MIDEAS: variants seen among roughly 807,000 people sequenced by gnomAD.
MIDEAS encodes mitotic deacetylase-associated SANT domain protein.
A neutral mutation model predicts 102.7 loss-of-function variants in MIDEAS; 26 were observed. That is an observed-to-expected ratio of 0.25 (90% CI 0.19 to 0.35). The LOEUF (loss-of-function observed/expected upper bound fraction) is 0.35, where lower values mean the gene tolerates loss of function less well. Ranked by LOEUF, MIDEAS falls within the 10% of genes least tolerant of loss-of-function variation. The pLI is 1.00. For missense variants in MIDEAS, 1,231 were observed against 1,435.6 expected (o/e 0.86, Z 2.30); for synonymous variants, 585 against 591.0 (o/e 0.99, Z 0.15).
At chr14:73,720,588 C>G (rs1303090511) in intron 11 of MIDEAS, among the ~76,000 whole-genome samples, 1 of 152,124 alleles carries the variant, frequency 6.6e-6, no homozygotes, top group Non-Finnish European at 1.5e-5. Context: ...AAAAAAGCAG[C>G]AGCTCCCCAA....
At chr14:73,777,937 G>A (rs1417975806) in intron 1 of MIDEAS, among the ~76,000 whole-genome samples, 3 of 151,950 alleles carry the variant, frequency 2.0e-5, no homozygotes, top group Non-Finnish European at 4.4e-5. Context: ...ACCTTAAAGT[G>A]GGGACCTGAA....
intron 1 of MIDEAS, among the ~76,000 whole-genome samples, chr14:73,781,960 G>A (rs961365460): frequency 2.0e-5 from 3 of 152,060 alleles, no homozygotes; most frequent in African/African-American, 7.2e-5. Context: ...AGGAAGCTGA[G>A]GCAGGAGAAT....
At chr14:73,738,459 C>G (rs1013145080) in intron 2 of MIDEAS, 101 bp downstream of exon 2, 15 of 1,396,650 alleles carry the variant, frequency 1.1e-5, no homozygotes, top group Non-Finnish European at 1.3e-5. Flanking sequence ...CTGGCTAGGG[C>G]AAAGTCTGGC....
intron 1 of MIDEAS, among the ~76,000 whole-genome samples, chr14:73,743,749 C>A (rs1350520055): frequency 6.6e-6 from 1 of 152,140 alleles, no homozygotes; most frequent in Non-Finnish European, 1.5e-5. Context: ...GCAGCTCAGC[C>A]CTGGGACCAG....
chr14:73,779,263 C>T (rs1474149261), intron 1 of MIDEAS, among the ~76,000 whole-genome samples: 3 of 150,990 alleles, frequency 2.0e-5, no homozygotes, highest in African/African-American at 4.9e-5. Flanking sequence ...GGTGTGGTGG[C>T]GGGTGCCTGT....
chr14:73,762,253 A>G (rs1427956407), upstream of MIDEAS, among the ~76,000 whole-genome samples: 1 of 152,224 alleles, frequency 6.6e-6, no homozygotes, highest in Non-Finnish European at 1.5e-5. Flanking sequence ...TGGGAAGCAC[A>G]TTGCTAGAAG....
chr14:73,726,530 G>C, intron 7 of MIDEAS, 74 bp downstream of exon 7: 2 of 1,410,650 alleles, frequency 1.4e-6, no homozygotes, highest in South Asian at 2.4e-5. Context: ...GCAGCCATAG[G>C]TCCTGAGCAG....
intron 1 of MIDEAS, among the ~76,000 whole-genome samples, chr14:73,778,803 A>G (rs967985819): frequency 3.9e-5 from 6 of 152,050 alleles, no homozygotes; most frequent in Non-Finnish European, 7.4e-5. Context: ...CCTGGATGAT[A>G]TAACTGCAGT....
In MIDEAS at chr14:73,718,185, A is replaced by AC. The variant is rs2052922318; in HGVS notation, c.*657_*658insG. Reference sequence around the variant, plus strand: ...CTGAGAAAACTTTCTAGCCCTAGCAAGGCCGCCAGCAAGCAGCAAAGGGAG... The same window carrying AC: ...CTGAGAAAACTTTCTAGCCCTAGCAACGGCCGCCAGCAAGCAGCAAAGGGAG... On this transcript the variant is annotated 3_prime_UTR_variant, in exon 13 of 13. Coordinates refer to ENST00000423556, the MANE Select transcript of MIDEAS (RefSeq NM_001367710.1). 3 of 152,428 alleles carry AC rather than the reference A, an allele frequency of 2.0e-5. No homozygotes were observed. The highest frequency in any genetic ancestry group is 2.0e-4 in the Admixed American group (3 of 15,284). 9.4% of individuals were successfully genotyped at this position (152,428 alleles called of 1,614,324 possible). A position where few individuals can be genotyped will look rare whatever the true frequency, so the allele number is the denominator to read the frequency against.
At chr14:73,731,562 A>C (rs1224520188) in intron 3 of MIDEAS, among the ~76,000 whole-genome samples, 1 of 152,214 alleles carries the variant, frequency 6.6e-6, no homozygotes, top group African/African-American at 2.4e-5. Flanking sequence ...AATGATTTGT[A>C]ATTTTATAAT....
chr14:73,732,001 G>C (rs1403410438), intron 3 of MIDEAS, among the ~76,000 whole-genome samples: 1 of 152,164 alleles, frequency 6.6e-6, no homozygotes, highest in Admixed American at 6.5e-5. Context: ...AAATTCTAGG[G>C]CTAGCTCTAC....
chr14:73,779,777 CCT>C (rs2053733108), intron 1 of MIDEAS, among the ~76,000 whole-genome samples: 1 of 144,724 alleles, frequency 6.9e-6, no homozygotes, highest in Non-Finnish European at 1.5e-5. Flanking sequence ...CGGGGTTTCA[CCT>C]TGTTAGCCAG....
At chr14:73,730,104 G>A (rs1291149744) in intron 3 of MIDEAS, 119 bp from the exon 4 acceptor site, 1 of 1,042,418 alleles carries the variant, frequency 9.6e-7, no homozygotes, top group Non-Finnish European at 1.5e-6. Flanking sequence ...CACCCACCAA[G>A]GCAAGCCTGA....
At chr14:73,766,661 T>C (rs956195998) in intron 1 of MIDEAS, among the ~76,000 whole-genome samples, 6 of 151,892 alleles carry the variant, frequency 4.0e-5, no homozygotes, top group Non-Finnish European at 8.8e-5. Context: ...GCCATTCTCC[T>C]GCCTCAGCCT....
At chr14:73,767,423 T>C (rs191162637) in intron 1 of MIDEAS, among the ~76,000 whole-genome samples, 76 of 151,986 alleles carry the variant, frequency 5.0e-4, no homozygotes, top group African/African-American at 1.8e-3. Flanking sequence ...TTGTGCTTGA[T>C]GCCAGGAGTT....
intron 1 of MIDEAS, among the ~76,000 whole-genome samples, chr14:73,774,388 T>C (rs565129910): frequency 2.0e-5 from 3 of 151,930 alleles, no homozygotes; most frequent in African/African-American, 7.2e-5. Context: ...CATGACCAGG[T>C]GGGACAGGAC....
chr14:73,726,963 G>A lies in MIDEAS; in HGVS notation c.2172C>T (p.Asn724=), dbSNP rs780460128. The change falls in exon 6 of 13, where the codon AAC becomes AAT. Residue 724 remains asparagine, a synonymous_variant. Coordinates refer to ENST00000423556, the MANE Select transcript of MIDEAS (RefSeq NM_001367710.1). ...ATPVSIEPRI[N]VGSRFQAEIP... ...TTTCTGCCTGGAACCGGGAGCCCAC[G>A]TTGATCCGTCTAGAGGAGTGAAAAG... 2.0e-5 allele frequency: 32 copies of A among 1,611,056 alleles called. No individual in the cohort carries two copies. The highest frequency in any genetic ancestry group is 2.5e-5 in the Non-Finnish European group (29 of 1,178,014).
At chr14:73,721,603 G>T in intron 10 of MIDEAS, 94 bp from the exon 11 acceptor site, 1 of 1,120,104 alleles carries the variant, frequency 8.9e-7, no homozygotes, top group Non-Finnish European at 1.3e-6. Context: ...ACCAGCCCCA[G>T]CTAGTCCTGC....
chr14:73,765,179 A>G (rs903526164), upstream of MIDEAS, among the ~76,000 whole-genome samples: 1 of 152,248 alleles, frequency 6.6e-6, no homozygotes, highest in Non-Finnish European at 1.5e-5. Flanking sequence ...ATGGGCCAAG[A>G]GGAACAGGAA....
Sources: gnomAD v4.1 joint callset for allele counts (sites outside exome capture counted in the v4.1 genomes callset) on GRCh38, gnomAD v4.1.1 for gene constraint, MANE v1.5 for transcripts, NCBI Gene and HGNC (gene_info 2026-07-23, HGNC 2026-07-21) for gene names.